Variants in MED12L observed in about 807,000 individuals in gnomAD.
MED12L encodes mediator of RNA polymerase II transcription subunit 12-like protein.
In MED12L, 60 loss-of-function variants were observed where a neutral mutation model predicts 281.3. The ratio of observed to expected loss-of-function variants is 0.21; its 90% CI spans 0.17 to 0.26. The LOEUF (loss-of-function observed/expected upper bound fraction) is 0.26. MED12L is among the 10% of genes least tolerant of loss of function. The pLI is 1.00. For missense variants in MED12L, 2,146 were observed against 2,680.9 expected, an observed-to-expected ratio of 0.80 and a Z score of 4.41; for synonymous variants, 974 against 987.2, an observed-to-expected ratio of 0.99 and a Z score of 0.25.
intron 6 of MED12L, among the ~76,000 whole-genome samples, chr3:151,157,849 C>T (rs1719480107): frequency 6.6e-6 from 1 of 152,132 alleles, no homozygotes; most frequent in Non-Finnish European, 1.5e-5. Flanking sequence ...AAGTTTGTTA[C>T]CAGAATGACC....
intron 16 of MED12L, among the ~76,000 whole-genome samples, chr3:151,273,131 T>C (rs1163562350): frequency 6.6e-6 from 1 of 152,138 alleles, no homozygotes; most frequent in Non-Finnish European, 1.5e-5. Context: ...CTGTATCTCT[T>C]TGGCTTCCAT....
In MED12L at chr3:151,436,386, T is replaced by C. The variant is rs1720214605; in HGVS notation, c.*3582T>C. ...TGGTATTAGAAGTTCATTTTTTTAC[T>C]GAAAAATTCAGGTACATTAGCCATT... On this transcript the variant is annotated 3_prime_UTR_variant, in exon 45 of 45. Coordinates refer to ENST00000687756, the MANE Select transcript of MED12L (RefSeq NM_001393769.1). 4.3e-6 allele frequency: 1 copy of C among 233,642 alleles called. No individual in the cohort carries two copies. The highest frequency in any genetic ancestry group is 8.3e-6 in the Non-Finnish European group (1 of 119,838). 14.5% of individuals were successfully genotyped at this position (233,642 alleles called of 1,614,324 possible).
At chr3:151,283,543 G>A (rs561494091) in intron 16 of MED12L, among the ~76,000 whole-genome samples, 8 of 152,150 alleles carry the variant, frequency 5.3e-5, no homozygotes, top group Non-Finnish European at 1.0e-4. Flanking sequence ...GACTCACCAC[G>A]TCTTTAGACA....
chr3:151,311,882 G>T (rs924898793), intron 16 of MED12L, among the ~76,000 whole-genome samples: 1 of 152,070 alleles, frequency 6.6e-6, no homozygotes, highest in African/African-American at 2.4e-5. Context: ...AAAATTAGCC[G>T]GGTGTGGTGG....
chr3:151,245,937 T>G (rs1735348153), intron 16 of MED12L, among the ~76,000 whole-genome samples: 1 of 151,248 alleles, frequency 6.6e-6, no homozygotes, highest in African/African-American at 2.4e-5. Flanking sequence ...GGATACAAAA[T>G]CAATGTACAA....
chr3:151,409,760 C>T (rs995519742), intron 40 of MED12L, among the ~76,000 whole-genome samples: 14 of 152,028 alleles, frequency 9.2e-5, no homozygotes, highest in Admixed American at 7.9e-4. Context: ...AATTTGAGAC[C>T]AGCCTGGGTA....
intron 5 of MED12L, among the ~76,000 whole-genome samples, chr3:151,135,924 G>A (rs1485297783): frequency 1.3e-5 from 2 of 152,204 alleles, no homozygotes; most frequent in Non-Finnish European, 2.9e-5. Context: ...ATTCAATATG[G>A]TGAAAAGTGA....
chr3:151,378,054 C>G lies in MED12L; in HGVS notation c.4359C>G (p.Ile1453Met). The G allele has an allele frequency of 1.2e-6, 2 of 1,610,298 alleles. No individual in the cohort carries two copies. Among genetic ancestry groups the G allele is most frequent in the Non-Finnish European group, 1.7e-6 (2 of 1,177,804 alleles). Reference sequence around the variant, plus strand: ...GTGTATGGTTGGTGGCCCCCCTCATCGCCAGGTTGCCAACTTCTGTGCAAG... The same window carrying G: ...GTGTATGGTTGGTGGCCCCCCTCATGGCCAGGTTGCCAACTTCTGTGCAAG... Reference protein sequence around the residue: ...RRGVWLVAPLIARLPTSVQGR... With the variant: ...RRGVWLVAPLMARLPTSVQGR... Residue 1453 changes from isoleucine (I) to methionine (M), a missense_variant, in exon 31 of 45, where the codon ATC (isoleucine) becomes ATG (methionine). This residue lies in a region of MED12L where 212 missense variants were observed against 340.8 expected (regional missense o/e 0.62). Transcript: ENST00000687756.
chr3:151,349,104 A>G (rs965835355), intron 16 of MED12L, among the ~76,000 whole-genome samples: 3 of 152,272 alleles, frequency 2.0e-5, no homozygotes, highest in Non-Finnish European at 4.4e-5. Flanking sequence ...GGAAGATTAT[A>G]AGATCCAAGA....
At chr3:151,337,962 G>T (rs564568226) in intron 16 of MED12L, 2 of 1,613,938 alleles carry the variant, frequency 1.2e-6, no homozygotes, top group East Asian at 2.2e-5. Flanking sequence ...ATAGATGAAC[G>T]GATCCAGGCA....
intron 16 of MED12L, among the ~76,000 whole-genome samples, chr3:151,245,957 GC>G: frequency 1.3e-5 from 2 of 151,180 alleles, no homozygotes; most frequent in East Asian, 3.9e-4. Flanking sequence ...AAAATCACAA[GC>G]ATTCTTATAC....
At chr3:151,208,599 AC>A (rs1726702537) in intron 16 of MED12L, among the ~76,000 whole-genome samples, 1 of 152,060 alleles carries the variant, frequency 6.6e-6, no homozygotes, top group Non-Finnish European at 1.5e-5. Flanking sequence ...GGAGAATCGA[AC>A]CCTGGAGGTG....
intron 11 of MED12L, among the ~76,000 whole-genome samples, chr3:151,176,120 A>G (rs1433776232): frequency 6.6e-6 from 1 of 152,176 alleles, no homozygotes; most frequent in East Asian, 1.9e-4. Context: ...GACAGGAGGT[A>G]TTGGCGTAAG....
intron 16 of MED12L, among the ~76,000 whole-genome samples, chr3:151,229,855 A>C (rs1731281585): frequency 6.6e-6 from 1 of 152,194 alleles, no homozygotes; most frequent in South Asian, 2.1e-4. Flanking sequence ...AGTAGGACTT[A>C]AGGGTGAAAG....
At chr3:151,186,173 A>G (rs1011475041) in intron 12 of MED12L, among the ~76,000 whole-genome samples, 5 of 152,202 alleles carry the variant, frequency 3.3e-5, no homozygotes, top group African/African-American at 1.2e-4. Context: ...AAGTTCATCA[A>G]CATTAGCTTT....
At chr3:151,121,502 T>C (rs1713751184) in intron 3 of MED12L, among the ~76,000 whole-genome samples, 1 of 152,216 alleles carries the variant, frequency 6.6e-6, no homozygotes, top group Admixed American at 6.5e-5. Flanking sequence ...TATTGACTCA[T>C]TAACTAAGGT....
intron 17 of MED12L, among the ~76,000 whole-genome samples, chr3:151,352,334 A>G (rs1025648635): frequency 6.6e-6 from 1 of 152,180 alleles, no homozygotes; most frequent in Non-Finnish European, 1.5e-5. Context: ...TTTTCAGTAA[A>G]TAGAAACATC....
intron 16 of MED12L, chr3:151,261,493 G>A (rs951821173): frequency 2.6e-5 from 4 of 152,138 alleles, no homozygotes; most frequent in African/African-American, 7.2e-5. Flanking sequence ...TTCCGTTAGA[G>A]AGGTTGGTTG....
intron 16 of MED12L, among the ~76,000 whole-genome samples, chr3:151,261,677 G>T (rs1738910940): frequency 6.7e-6 from 1 of 148,156 alleles, no homozygotes; most frequent in Non-Finnish European, 1.5e-5. Flanking sequence ...GGGGTCCAGT[G>T]GTACGTGGTG....
Sources: gnomAD v4.1 joint callset for allele counts (sites outside exome capture counted in the v4.1 genomes callset) on GRCh38, gnomAD v4.1.1 for gene constraint, gnomAD v4.1.1 regional missense constraint, MANE v1.5 for transcripts, NCBI Gene and HGNC (gene_info 2026-07-23, HGNC 2026-07-21) for gene names.